The following NCOA1 variants were observed in gnomAD, a reference collection of about 807,000 sequenced individuals.
NCOA1 encodes the protein Hin-2 protein.
Under a neutral mutation model 150.9 loss-of-function variants are expected in NCOA1, and 35 were observed. The ratio of observed to expected loss-of-function variants is 0.23; its 90% CI spans 0.18 to 0.31. The LOEUF is 0.31. Ranked by LOEUF, NCOA1 falls within the 10% of genes least tolerant of loss-of-function variation. The pLI is 1.00. For synonymous variants in NCOA1, 590 were observed against 630.0 expected, an observed-to-expected ratio of 0.94 and a Z score of 0.95; for missense variants, 1,491 against 1,749.3, an observed-to-expected ratio of 0.85 and a Z score of 2.63.
At chr2:24,697,253 A>G (rs555967210) in intron 10 of NCOA1, among the ~76,000 whole-genome samples, 10 of 152,266 alleles carry the variant, frequency 6.6e-5, no homozygotes, top group African/African-American at 9.6e-5. Context: ...TATTCTCTTC[A>G]CTTAGTAGTT....
chr2:24,666,636 G>A (rs1049626495), intron 6 of NCOA1, among the ~76,000 whole-genome samples: 2 of 118,520 alleles, frequency 1.7e-5, no homozygotes, highest in Non-Finnish European at 3.9e-5. Flanking sequence ...GAAAAAACCC[G>A]GATTTTTTTT....
At chr2:24,738,086 A>G (rs1158754021) in intron 17 of NCOA1, among the ~76,000 whole-genome samples, 10 of 152,052 alleles carry the variant, frequency 6.6e-5, no homozygotes, top group Admixed American at 5.2e-4. Flanking sequence ...TCATTTTAAC[A>G]TTTATATTAT....
In NCOA1 at chr2:24,757,113, C is replaced by G. The variant is rs79843383; in HGVS notation, c.3882-860C>G. 3.2e-4 allele frequency among the ~76,000 whole-genome samples: 49 copies of G among 152,250 alleles called. 1 individual carries two copies. The East Asian group carries it at 9.3e-3, about 29-fold the overall frequency. ...AAGATAAAACCTTGAGAAGTGACAA[C>G]AAGCTATAGGATATTGAATAAAGGG... is the stretch of plus-strand genomic sequence containing the variant. On this transcript the variant is annotated intron_variant, in intron 20 of 22. Coordinates refer to ENST00000348332, the MANE Select transcript of NCOA1 (RefSeq NM_003743.5).
chr2:24,648,366 C>T (rs1289761507), intron 4 of NCOA1, among the ~76,000 whole-genome samples: 1 of 152,076 alleles, frequency 6.6e-6, no homozygotes, highest in Non-Finnish European at 1.5e-5. Flanking sequence ...CTCCGCCTCC[C>T]GGGTTCAAGC....
intron 19 of NCOA1, among the ~76,000 whole-genome samples, chr2:24,751,442 G>A (rs1027257195): frequency 2.6e-5 from 4 of 151,744 alleles, no homozygotes; most frequent in African/African-American, 7.3e-5. Context: ...AATTAGCCAG[G>A]CCCAGTGGCA....
At chr2:24,762,844 C>A in intron 22 of NCOA1, 68 bp downstream of exon 22, 1 of 1,387,234 alleles carries the variant, frequency 7.2e-7, no homozygotes. Flanking sequence ...CATTGTGTAG[C>A]ATCATTAAGA....
At chr2:24,666,973 C>T (rs1392485006) in intron 6 of NCOA1, among the ~76,000 whole-genome samples, 1 of 152,114 alleles carries the variant, frequency 6.6e-6, no homozygotes, top group Non-Finnish European at 1.5e-5. Flanking sequence ...AAGCTGGCCC[C>T]ATGGGAGTGC....
At chr2:24,620,014 G>A (rs187259826) in intron 3 of NCOA1, among the ~76,000 whole-genome samples, 30 of 152,110 alleles carry the variant, frequency 2.0e-4, no homozygotes, top group Admixed American at 1.8e-3. Flanking sequence ...CCCCAAAACA[G>A]CCTACCCTCT....
At chr2:24,528,344 CTT>C (rs375096042) in intron 1 of NCOA1, among the ~76,000 whole-genome samples, 3 of 125,876 alleles carry the variant, frequency 2.4e-5, no homozygotes, top group African/African-American at 3.0e-5. Context: ...CAATTTCATT[CTT>C]TTTTTTTTTT....
chr2:24,697,044 A>T (rs1296271880), intron 10 of NCOA1, among the ~76,000 whole-genome samples: 1 of 152,128 alleles, frequency 6.6e-6, no homozygotes, highest in Non-Finnish European at 1.5e-5. Flanking sequence ...ATTTGTTTAA[A>T]TATGATAACA....
intron 4 of NCOA1, among the ~76,000 whole-genome samples, chr2:24,646,129 A>C (rs912790345): frequency 2.0e-5 from 3 of 152,124 alleles, no homozygotes; most frequent in African/African-American, 7.2e-5. Flanking sequence ...CATCTTTTCT[A>C]TTTCTTCTTA....
At chr2:24,728,266 T>A in intron 15 of NCOA1, 42 bp from the exon 16 acceptor site, 1 of 1,539,230 alleles carries the variant, frequency 6.5e-7, no homozygotes, top group Non-Finnish European at 8.8e-7. Flanking sequence ...ATAAATTATT[T>A]GCTATGTCAG....
At chr2:24,738,660 A>G (rs917437066) in intron 17 of NCOA1, among the ~76,000 whole-genome samples, 2 of 152,304 alleles carry the variant, frequency 1.3e-5, no homozygotes, top group East Asian at 3.9e-4. Flanking sequence ...CTTTTGGCCA[A>G]TTAAAGGCTT....
chr2:24,756,044 A>T (rs193104279), intron 20 of NCOA1, among the ~76,000 whole-genome samples: 46 of 142,578 alleles, frequency 3.2e-4, no homozygotes, highest in Non-Finnish European at 3.9e-4. Context: ...GACCAGCCTG[A>T]CCAACATGGC....
chr2:24,681,331 T>G (rs952112054), intron 7 of NCOA1, among the ~76,000 whole-genome samples: 1 of 151,878 alleles, frequency 6.6e-6, no homozygotes, highest in Admixed American at 6.6e-5. Flanking sequence ...GCCACTGCAC[T>G]CTCTCAAAAA....
rs758482879 is a variant in NCOA1, at chr2:24,741,844, C to T, written c.3364C>T (p.Arg1122Ter). Residue 1122 changes from arginine (R) to a stop codon, truncating the protein, a stop_gained, in exon 19 of 23, where the codon CGA (arginine) becomes TGA (stop). Transcript: ENST00000348332. LOFTEE classifies it high-confidence loss of function. Reference protein sequence around the residue: ...RQRELYSQQHRQRQLIQQQRA... With the variant: ...RQRELYSQQH ...GCGGGAACTGTACAGTCAACAGCACCGACAGAGGCAGCTAATACAGCAGCA... is the reference window on the plus strand; with the variant it reads ...GCGGGAACTGTACAGTCAACAGCACTGACAGAGGCAGCTAATACAGCAGCA... The T allele has an allele frequency of 6.2e-7, 1 of 1,614,144 alleles. No individual in the cohort carries two copies. The highest frequency in any genetic ancestry group is 8.5e-7 in the Non-Finnish European group (1 of 1,180,006).
chr2:24,681,759 G>A (rs1221697650), intron 7 of NCOA1, among the ~76,000 whole-genome samples: 1 of 149,196 alleles, frequency 6.7e-6, no homozygotes, highest in Non-Finnish European at 1.5e-5. Flanking sequence ...CTGTCGCCCA[G>A]GCTGGAGTGC....
chr2:24,495,628 C>A (rs1013495286), intron 1 of NCOA1, among the ~76,000 whole-genome samples: 1 of 152,168 alleles, frequency 6.6e-6, no homozygotes, highest in African/African-American at 2.4e-5. Context: ...GACCAGAATT[C>A]TAATTGTACT....
rs553424666 is a variant in NCOA1, at chr2:24,699,252, A to C, written c.949+1454A>C. 1.1e-4 allele frequency among the ~76,000 whole-genome samples: 17 copies of C among 152,300 alleles called. No individual in the cohort carries two copies. In the South Asian group the frequency reaches 2.3e-3, roughly 20 times the overall value. On this transcript the variant is annotated intron_variant, in intron 11 of 22. Transcript: ENST00000348332. ...TTTTTGCCTTAAGTTGGGCCTTCCA[A>C]GGCTTTACTTAAAAGACTTAATTTA...
Sources: gnomAD v4.1 joint callset for allele counts (sites outside exome capture counted in the v4.1 genomes callset) on GRCh38, gnomAD v4.1.1 for gene constraint, MANE v1.5 for transcripts, NCBI Gene and HGNC (gene_info 2026-07-23, HGNC 2026-07-21) for gene names.